Variants in SLC44A5 observed in about 807,000 individuals in gnomAD.
SLC44A5 encodes choline transporter-like protein 5.
SLC44A5 carries 57 observed loss-of-function variants against 101.8 expected under a neutral mutation model. That is an observed-to-expected ratio of 0.56 (90% CI 0.45 to 0.70). The LOEUF (loss-of-function observed/expected upper bound fraction) is 0.70, where lower values mean the gene tolerates loss of function less well. Ranked by LOEUF, SLC44A5 falls within the 30% of genes least tolerant of loss-of-function variation. The pLI is 0.00. For missense variants in SLC44A5, 737 were observed against 853.1 expected (o/e 0.86, Z 1.70); for synonymous variants, 281 against 290.9 (o/e 0.97, Z 0.35).
At chr1:75,644,098 A>G in the SLC44A5 span, among the ~76,000 whole-genome samples, 2 of 152,186 alleles carry the variant, frequency 1.3e-5, no homozygotes, top group African/African-American at 4.8e-5. Context: ...AAATAAAATA[A>G]TGATATATTC....
At chr1:75,503,890 G>C (rs1158303735) in intron 2 of SLC44A5, among the ~76,000 whole-genome samples, 2 of 152,168 alleles carry the variant, frequency 1.3e-5, no homozygotes, top group East Asian at 3.9e-4. Context: ...GCCACTATAT[G>C]TGTAGGCTGA....
At chr1:75,255,540 G>A (rs1649946561) in intron 6 of SLC44A5, among the ~76,000 whole-genome samples, 1 of 151,728 alleles carries the variant, frequency 6.6e-6, no homozygotes, top group African/African-American at 2.4e-5. Flanking sequence ...AAAAAGGAGA[G>A]GCACTGAGAC....
intron 3 of SLC44A5, among the ~76,000 whole-genome samples, chr1:75,366,302 A>G (rs750103162): frequency 1.3e-5 from 2 of 152,128 alleles, no homozygotes; most frequent in Non-Finnish European, 2.9e-5. Context: ...CTCTAGGTGT[A>G]GCATTTTTGG....
At chr1:75,678,989 A>C in the SLC44A5 span, among the ~76,000 whole-genome samples, 1 of 152,226 alleles carries the variant, frequency 6.6e-6, no homozygotes, top group African/African-American at 2.4e-5. Context: ...AGCCGATGCT[A>C]TCAACTGGAA....
At position 75,426,163 on chromosome 1, in the gene SLC44A5, T is replaced by C. The variant is rs377148465; in HGVS notation, c.14-29542A>G. Among the ~76,000 whole-genome samples, 40 of 152,210 alleles carry C rather than the reference T, an allele frequency of 2.6e-4. No homozygotes were observed. In the South Asian group the frequency reaches 8.1e-3, roughly 31 times the overall value. On this transcript the variant is annotated intron_variant, in intron 2 of 23. Coordinates refer to ENST00000370859, the MANE Select transcript of SLC44A5 (RefSeq NM_001130058.2). ...GATTGTGAGAAATAGTTGATTAAGATAGGGTTACACAGGGGAGGAGAGGAA... is the reference window on the plus strand; with the variant it reads ...GATTGTGAGAAATAGTTGATTAAGACAGGGTTACACAGGGGAGGAGAGGAA...
At chr1:75,227,012 T>C (rs1205014497) in intron 13 of SLC44A5, among the ~76,000 whole-genome samples, 1 of 152,212 alleles carries the variant, frequency 6.6e-6, no homozygotes, top group East Asian at 1.9e-4. Flanking sequence ...TTTAAATGTT[T>C]TGTTATGAAA....
At chr1:75,604,816 C>T (rs1675225333) in intron 1 of SLC44A5, among the ~76,000 whole-genome samples, 1 of 151,590 alleles carries the variant, frequency 6.6e-6, no homozygotes, top group African/African-American at 2.4e-5. Context: ...TGGCTCTCAG[C>T]TTGAACATTA....
chr1:75,631,539 AT>A, the SLC44A5 span, among the ~76,000 whole-genome samples: 2,755 of 80,740 alleles, frequency 0.034, 41 homozygotes, highest in African/African-American at 0.11. Flanking sequence ...CACCTGGCTA[AT>A]TTTTTTTTTT....
At chr1:75,567,544 TTG>T (rs1672852650) in intron 1 of SLC44A5, among the ~76,000 whole-genome samples, 1 of 152,158 alleles carries the variant, frequency 6.6e-6, no homozygotes, top group East Asian at 1.9e-4. Context: ...TTCAATATTG[TTG>T]GATAACAAAA....
chr1:75,427,051 C>A (rs763128583), intron 2 of SLC44A5, among the ~76,000 whole-genome samples: 1 of 152,192 alleles, frequency 6.6e-6, no homozygotes, highest in African/African-American at 2.4e-5. Flanking sequence ...GCCGGCTACT[C>A]AGGTTCCATT....
intron 2 of SLC44A5, among the ~76,000 whole-genome samples, chr1:75,463,904 T>A (rs2101704141): frequency 6.6e-6 from 1 of 152,110 alleles, no homozygotes; most frequent in Non-Finnish European, 1.5e-5. Flanking sequence ...AACAACTTTT[T>A]GAGACATAGC....
intron 2 of SLC44A5, among the ~76,000 whole-genome samples, chr1:75,477,795 C>T (rs1455372094): frequency 5.9e-5 from 9 of 152,172 alleles, no homozygotes; most frequent in Admixed American, 1.3e-4. Context: ...CTGAAAGTGA[C>T]GGGGAGAATG....
chr1:75,596,259 C>T (rs1000649217), intron 1 of SLC44A5, among the ~76,000 whole-genome samples: 51 of 151,816 alleles, frequency 3.4e-4, no homozygotes, highest in African/African-American at 1.1e-3. Context: ...AATTGAATCC[C>T]TGAACAGACC....
chr1:75,324,184 A>C (rs1188609204), intron 4 of SLC44A5, among the ~76,000 whole-genome samples: 4 of 152,156 alleles, frequency 2.6e-5, no homozygotes, highest in African/African-American at 4.8e-5. Flanking sequence ...TACTTCAAAC[A>C]CTTTGAATTT....
At position 75,564,544 on chromosome 1, in the gene SLC44A5, A is replaced by G. The variant is rs534243997; in HGVS notation, c.-69-23028T>C. Among the ~76,000 whole-genome samples, 36 of 151,854 alleles carry G rather than the reference A, an allele frequency of 2.4e-4. 1 individual carries two copies. Among genetic ancestry groups the G allele is most frequent in the Admixed American group, 2.2e-3 (34 of 15,270 alleles). ...CTCTTTACCTGAGAAGTTAGGACCC[A>G]TGATCTTTAACTCCATGGCTTCTGC... On this transcript the variant is annotated intron_variant, in intron 1 of 23. Transcript: ENST00000370859.
At chr1:75,389,810 A>G (rs1661661299) in intron 3 of SLC44A5, among the ~76,000 whole-genome samples, 1 of 152,150 alleles carries the variant, frequency 6.6e-6, no homozygotes, top group Admixed American at 6.6e-5. Context: ...AAATTACTAA[A>G]ATCAGAAGAG....
Position 75,219,800 on chromosome 1 carries a change from A to G in SLC44A5, c.1178T>C (p.Val393Ala), listed in dbSNP as rs759432312. 6 of 1,607,316 alleles carry G rather than the reference A, an allele frequency of 3.7e-6. No individual in the cohort carries two copies. The Admixed American group carries it at 1.0e-4, about 27-fold the overall frequency. The change falls in exon 15 of 24, where the codon GTT becomes GCT. Residue 393 changes from valine (V) to alanine (A), a missense_variant and splice_region_variant. Val to Ala is a moderately conservative substitution (Grantham distance 64, BLOSUM62 0). Around this residue, in one of 3 missense-constraint regions of SLC44A5, gnomAD observed 665 missense variants for 764.4 expected, o/e 0.87. Transcript: ENST00000370859. ...AAAGAGGCCAATTACCAAAGGATAC[A>G]CTGCTGTCACGACCCAGTAGCAAAT... Reference protein sequence around the residue: ...ICICYWVVTAVFLATSGVPVY... With the variant: ...ICICYWVVTAAFLATSGVPVY...
intron 2 of SLC44A5, among the ~76,000 whole-genome samples, chr1:75,478,664 C>T (rs1459905456): frequency 1.3e-5 from 2 of 152,074 alleles, no homozygotes; most frequent in South Asian, 2.1e-4. Flanking sequence ...AAGGCCATTA[C>T]ATAATGGTAA....
At chr1:75,554,129 G>T (rs190465114) in intron 1 of SLC44A5, among the ~76,000 whole-genome samples, 82 of 152,268 alleles carry the variant, frequency 5.4e-4, no homozygotes, top group African/African-American at 1.9e-3. Context: ...TCTGTCTGCA[G>T]ATAAAGGGAT....
Sources: allele counts gnomAD v4.1 joint callset (sites outside exome capture counted in the v4.1 genomes callset), GRCh38; gene constraint gnomAD v4.1.1; regional missense constraint gnomAD v4.1.1; transcripts MANE v1.5; gene names NCBI Gene and HGNC (gene_info 2026-07-23, HGNC 2026-07-21).